Variants in XPA observed in about 807,000 individuals in gnomAD.
XPA encodes XPA, DNA damage recognition and repair factor.
Under a neutral mutation model 35.7 loss-of-function variants are expected in XPA, and 27 were observed. That is an observed-to-expected ratio of 0.76 (90% confidence interval 0.56 to 1.04). XPA has a LOEUF of 1.04. Ranked by LOEUF, XPA falls within the 50% of genes least tolerant of loss-of-function variation. XPA has a pLI of 0.00. For missense variants in XPA, 354 were observed against 342.7 expected, an observed-to-expected ratio of 1.03 and a Z score of -0.26; for synonymous variants, 133 against 118.4, an observed-to-expected ratio of 1.12 and a Z score of -0.80.
intron 2 of XPA, among the ~76,000 whole-genome samples, chr9:97,690,765 C>T (rs1271385839): frequency 6.6e-6 from 1 of 152,206 alleles, no homozygotes; most frequent in African/African-American, 2.4e-5. Context: ...GCAGGTGATC[C>T]ACCTGCCTTG....
At chr9:97,658,796 T>A in the XPA span, 1 of 1,347,198 alleles carries the variant, frequency 7.4e-7, no homozygotes, top group Non-Finnish European at 1.1e-6. Flanking sequence ...TTCAAGTATA[T>A]CTGAAGTTAG....
At chr9:97,668,813 G>A in the XPA span, 6 of 1,600,818 alleles carry the variant, frequency 3.7e-6, no homozygotes, top group Non-Finnish European at 4.3e-6. Context: ...GAATCTAAAT[G>A]GTATTTTCCT....
chr9:97,667,133 G>GCAAACGTGA, the XPA span, among the ~76,000 whole-genome samples: 1 of 152,130 alleles, frequency 6.6e-6, no homozygotes, highest in Non-Finnish European at 1.5e-5. Flanking sequence ...CACTATCTCT[G>GCAAACGTGA]GGTCGGCCTC....
intron 1 of XPA, among the ~76,000 whole-genome samples, chr9:97,694,817 G>A (rs1210059698): frequency 6.6e-6 from 1 of 152,108 alleles, no homozygotes; most frequent in Non-Finnish European, 1.5e-5. Flanking sequence ...TGTGTACAGA[G>A]GTTTCATTCG....
chr9:97,658,646 T>G, the XPA span: 1 of 1,608,556 alleles, frequency 6.2e-7, no homozygotes, highest in Non-Finnish European at 8.5e-7. Context: ...GTAGGTTGTC[T>G]TACCATCAGC....
chr9:97,697,278 G>C lies in XPA; in HGVS notation c.15C>G (p.Asp5Glu), dbSNP rs553043532. 1.3e-6 allele frequency: 2 copies of C among 1,598,558 alleles called. No homozygotes were observed. The highest frequency in any genetic ancestry group is 1.3e-5 in the African/African-American group (1 of 74,838). Reference sequence around the variant, plus strand: ...AAGCCGCCGCCTCCGGCAAAGCCCCGTCGGCCGCCGCCATCTCTGGCCCAC... The same window carrying C: ...AAGCCGCCGCCTCCGGCAAAGCCCCCTCGGCCGCCGCCATCTCTGGCCCAC... MAAA[D>E]GALPEAAALE... Residue 5 changes from aspartate to glutamate, a missense_variant, in exon 1 of 6, where the codon GAC (aspartate) becomes GAG (glutamate). Transcript: ENST00000375128.
At chr9:97,665,224 G>C in the XPA span, among the ~76,000 whole-genome samples, 1 of 152,228 alleles carries the variant, frequency 6.6e-6, no homozygotes, top group African/African-American at 2.4e-5. Flanking sequence ...ATACCGGCCA[G>C]GTTGGCCTTC....
At chr9:97,688,934 A>G (rs923474013) in intron 3 of XPA, among the ~76,000 whole-genome samples, 1 of 152,176 alleles carries the variant, frequency 6.6e-6, no homozygotes, top group Non-Finnish European at 1.5e-5. Context: ...TGTGCAAAAG[A>G]TATCAACACA....
chr9:97,681,750 T>G (rs2401635), intron 5 of XPA, among the ~76,000 whole-genome samples: 4 of 152,182 alleles, frequency 2.6e-5, no homozygotes, highest in African/African-American at 9.6e-5. Flanking sequence ...CATTTCTATA[T>G]TCTGTAACTG....
At chr9:97,687,390 G>C (rs1429923330) in intron 3 of XPA, 129 bp from the exon 4 acceptor site, 2 of 674,574 alleles carry the variant, frequency 3.0e-6, no homozygotes, top group East Asian at 5.7e-5. Flanking sequence ...CAACTCTCAT[G>C]GTTAAATTAG....
chr9:97,685,507 GA>G (rs367627227), intron 4 of XPA, among the ~76,000 whole-genome samples: 26 of 152,220 alleles, frequency 1.7e-4, no homozygotes, highest in African/African-American at 6.3e-4. Context: ...TGATCTGCAG[GA>G]TATATTTTTT....
the XPA span, among the ~76,000 whole-genome samples, chr9:97,667,455 C>T: frequency 3.9e-5 from 6 of 152,096 alleles, no homozygotes; most frequent in East Asian, 3.8e-4. Flanking sequence ...AGGAACCTTT[C>T]GCAAGTTTGA....
chr9:97,677,715 TAAG>T (rs1017049830), intron 5 of XPA, among the ~76,000 whole-genome samples: 1 of 151,196 alleles, frequency 6.6e-6, no homozygotes, highest in African/African-American at 2.4e-5. Flanking sequence ...CAACAGAACA[TAAG>T]AAAGTATTTA....
intron 2 of XPA, among the ~76,000 whole-genome samples, chr9:97,692,464 T>C (rs1444425666): frequency 2.0e-5 from 3 of 152,108 alleles, no homozygotes; most frequent in African/African-American, 7.2e-5. Flanking sequence ...TAGAGAAGCA[T>C]ATCTATAGAC....
At chr9:97,656,209 TAATC>T in the XPA span, 3 of 798,968 alleles carry the variant, frequency 3.8e-6, no homozygotes, top group Non-Finnish European at 5.9e-6. Context: ...ATCCCATTTT[TAATC>T]AAGACTTAGG....
chr9:97,662,313 C>T, the XPA span, among the ~76,000 whole-genome samples: 2 of 152,086 alleles, frequency 1.3e-5, no homozygotes, highest in Admixed American at 6.6e-5. Context: ...CTAAGGCTTC[C>T]GTCAGTCTGT....
At chr9:97,693,548 TTAAAG>T in intron 2 of XPA, 96 bp downstream of exon 2, 1 of 1,034,148 alleles carries the variant, frequency 9.7e-7, no homozygotes, top group Non-Finnish European at 1.5e-6. Flanking sequence ...TACTCACTGA[TTAAAG>T]TAGTTATGGC....
the XPA span, among the ~76,000 whole-genome samples, chr9:97,658,010 G>A: frequency 1.2e-4 from 17 of 146,862 alleles, no homozygotes; most frequent in African/African-American, 4.0e-4. Flanking sequence ...ATCATCTTGC[G>A]TTTTCTTGCC....
rs1268259634 is a variant in XPA, at chr9:97,687,144, ATTC to A, written c.504_506del (p.Lys168del). ...TATCACCCCATTGTGAATGATGTGG[ATTC>A]TTCTTCACAATAAATTTAAGAGGTG... is the stretch of plus-strand genomic sequence containing the variant. On this transcript the variant is annotated inframe_deletion, in exon 4 of 6. Coordinates refer to ENST00000375128, the MANE Select transcript of XPA (RefSeq NM_000380.4). 1.9e-6 allele frequency: 3 copies of A among 1,612,806 alleles called. No homozygotes were observed. Among genetic ancestry groups the A allele is most frequent in the East Asian group, 4.5e-5 (2 of 44,814 alleles).
Sources: allele counts gnomAD v4.1 joint callset (sites outside exome capture counted in the v4.1 genomes callset), GRCh38; gene constraint gnomAD v4.1.1; transcripts MANE v1.5; gene names NCBI Gene and HGNC (gene_info 2026-07-23, HGNC 2026-07-21).